The following SCN11A variants were observed in gnomAD, a reference collection of about 807,000 sequenced individuals.
SCN11A encodes sodium voltage-gated channel alpha subunit 11.
A neutral mutation model predicts 162.2 loss-of-function variants in SCN11A; 122 were observed. The ratio of observed to expected loss-of-function variants is 0.75; its 90% confidence interval spans 0.65 to 0.87. The LOEUF (loss-of-function observed/expected upper bound fraction) is 0.87, where lower values mean the gene tolerates loss of function less well. Among genes scored for constraint, SCN11A ranks in the 40% least tolerant of loss-of-function variants. SCN11A has a pLI of 0.00. For missense variants in SCN11A, 2,015 were observed against 2,181.6 expected, an observed-to-expected ratio of 0.92 and a Z score of 1.52; for synonymous variants, 758 against 751.5, an observed-to-expected ratio of 1.01 and a Z score of -0.14.
At chr3:38,881,832 C>T (rs1181735943) in intron 22 of SCN11A, among the ~76,000 whole-genome samples, 3 of 152,186 alleles carry the variant, frequency 2.0e-5, no homozygotes, top group South Asian at 2.1e-4. Flanking sequence ...GCCCAGCCTA[C>T]ACCTGCCTTT....
chr3:38,996,263 CA>C (rs2030629516), intron 2 of SCN11A, among the ~76,000 whole-genome samples: 1 of 152,258 alleles, frequency 6.6e-6, no homozygotes, highest in East Asian at 1.9e-4. Flanking sequence ...CACTGGTTCA[CA>C]GAGAAAATAC....
At chr3:38,945,259 T>A (rs1559548852) in intron 7 of SCN11A, 152 bp downstream of exon 7, 1 of 557,962 alleles carries the variant, frequency 1.8e-6, no homozygotes, top group African/African-American at 1.9e-5. Context: ...TTACAAATTG[T>A]AAAAAAATAA....
At chr3:39,046,445 G>A (rs557906450) in intron 1 of SCN11A, among the ~76,000 whole-genome samples, 2 of 152,206 alleles carry the variant, frequency 1.3e-5, no homozygotes, top group South Asian at 2.1e-4. Context: ...ACTACCCAAA[G>A]TGATCTACAG....
intron 2 of SCN11A, among the ~76,000 whole-genome samples, chr3:38,961,765 T>C (rs544543817): frequency 6.6e-6 from 1 of 152,348 alleles, no homozygotes; most frequent in East Asian, 1.9e-4. Flanking sequence ...GTTTGAGTTC[T>C]TTGTAGATTC....
Position 38,894,528 on chromosome 3 carries a change from C to T in SCN11A, c.2835+5G>A. ...ACCTTTAAGTCTATGTGTGAACCTT[C>T]ATACCTGTTGTTCAGGCTCAGGTTG... On this transcript the variant is annotated splice_donor_5th_base_variant and intron_variant, in intron 19 of 29. Transcript: ENST00000302328. 6.3e-7 allele frequency: 1 copy of T among 1,592,400 alleles called. No homozygotes were observed. Among genetic ancestry groups the T allele is most frequent in the South Asian group, 1.2e-5 (1 of 85,976 alleles).
At position 39,029,041 on chromosome 3, in the gene SCN11A, C is replaced by T. The variant is rs1345146323; in HGVS notation, c.-280+3339G>A. ...GGATGCATCTTTATGGATGTATCAA[C>T]AATTCATTTAATCTGTCATGGTCAT... On this transcript the variant is annotated intron_variant, in intron 2 of 29. Transcript: ENST00000302328. Among the ~76,000 whole-genome samples, 7 of 152,298 alleles carry T rather than the reference C, an allele frequency of 4.6e-5. No individual in the cohort carries two copies. In the East Asian group the frequency reaches 1.2e-3, roughly 25 times the overall value.
At chr3:38,871,735 C>A in intron 24 of SCN11A, 27 bp from the exon 25 acceptor site, 2 of 1,558,346 alleles carry the variant, frequency 1.3e-6, no homozygotes, top group South Asian at 1.3e-5. Context: ...CAAAGAAAAC[C>A]ATAACAGATG....
chr3:38,865,815 A>T (rs1315133381), intron 27 of SCN11A, among the ~76,000 whole-genome samples: 1 of 152,192 alleles, frequency 6.6e-6, no homozygotes, highest in Non-Finnish European at 1.5e-5. Flanking sequence ...AACCTGTGAA[A>T]AAGTGTGTAA....
chr3:39,031,805 T>C (rs1248034439), intron 2 of SCN11A, among the ~76,000 whole-genome samples: 2 of 152,342 alleles, frequency 1.3e-5, no homozygotes, highest in East Asian at 3.9e-4. Flanking sequence ...TCTTAGTTTC[T>C]CCGTGAATCT....
chr3:38,898,336 T>C (rs1327128615), intron 17 of SCN11A, among the ~76,000 whole-genome samples: 1 of 152,246 alleles, frequency 6.6e-6, no homozygotes, highest in African/African-American at 2.4e-5. Flanking sequence ...TATTGGAACA[T>C]AGCCATGCTC....
At chr3:38,963,314 A>G (rs1032692906) in intron 2 of SCN11A, among the ~76,000 whole-genome samples, 1 of 145,480 alleles carries the variant, frequency 6.9e-6, no homozygotes, top group African/African-American at 2.5e-5. Context: ...AATGCCCATC[A>G]ATCAATAAGT....
chr3:39,042,538 A>C (rs1051927547), intron 1 of SCN11A, among the ~76,000 whole-genome samples: 1 of 152,218 alleles, frequency 6.6e-6, no homozygotes, highest in African/African-American at 2.4e-5. Flanking sequence ...ATCAAGGTGA[A>C]GAGACAACAC....
intron 2 of SCN11A, among the ~76,000 whole-genome samples, chr3:39,004,870 A>G (rs4267596): frequency 0.7 from 106,310 of 152,022 alleles, 38,699 homozygotes; most frequent in African/African-American, 0.92. Flanking sequence ...GTAGCAGGAC[A>G]AGCTGCAGAC....
intron 2 of SCN11A, among the ~76,000 whole-genome samples, chr3:38,999,757 G>A (rs751914053): frequency 1.2e-3 from 178 of 152,186 alleles, no homozygotes; most frequent in Non-Finnish European, 1.8e-3. Flanking sequence ...GGTGTGAGTG[G>A]AGACTAGCTT....
rs151316226 is a variant in SCN11A at position 38,856,011 on chromosome 3, G to C, written c.4057-5260C>G. ...TCAGGAAGCCCCATCCCTAGGGAAG[G>C]GGGAGTGCACCACATCAGGGGATCA... On this transcript the variant is annotated intron_variant, in intron 28 of 29. Transcript: ENST00000302328. Among the ~76,000 whole-genome samples, 524 of 152,298 alleles carry C rather than the reference G, an allele frequency of 3.4e-3. 2 individuals carry two copies. Among genetic ancestry groups the C allele is most frequent in the African/African-American group, 0.01 (427 of 41,558 alleles).
rs2064678235 is a variant in SCN11A, at chr3:38,846,991, T to G, written c.5079A>C (p.Val1693=). The change falls in exon 30 of 30, where the codon GTA becomes GTC. Residue 1693 remains valine, a synonymous_variant. Coordinates refer to ENST00000302328, the MANE Select transcript of SCN11A (RefSeq NM_001349253.2). ...TATCTAGGCCATCAGAGCCACCGAG[T>G]ACCCTAGCGGTGAAGGCGAAAAGAA... ...MDILFAFTAR[V]LGGSDGLDSM... The G allele has an allele frequency of 6.2e-7, 1 of 1,614,124 alleles. No homozygotes were observed. The highest frequency in any genetic ancestry group is 1.7e-5 in the Admixed American group (1 of 60,014).
At chr3:38,904,618 C>G (rs1272031497) in intron 15 of SCN11A, among the ~76,000 whole-genome samples, 1 of 152,070 alleles carries the variant, frequency 6.6e-6, no homozygotes, top group Non-Finnish European at 1.5e-5. Flanking sequence ...GCAGGGCAAA[C>G]GAGATGATGC....
rs562075544 is a variant in SCN11A at position 38,948,891 on chromosome 3, G to A, written c.267+1205C>T. On this transcript the variant is annotated intron_variant, in intron 5 of 29. Transcript: ENST00000302328. ...TCACCTCCAACAACTATACCTCCAA[G>A]AAGGCCCTGGAATCCTGGGGCATCA... Among the ~76,000 whole-genome samples the A allele has an allele frequency of 6.6e-4, 101 of 152,246 alleles. No homozygotes were observed. In the Middle Eastern group the frequency reaches 0.014, roughly 21 times the overall value.
At chr3:38,934,083 G>T (rs1553642486) in intron 7 of SCN11A, among the ~76,000 whole-genome samples, 1 of 152,174 alleles carries the variant, frequency 6.6e-6, no homozygotes, top group Non-Finnish European at 1.5e-5. Flanking sequence ...CATTCTTAAA[G>T]AAAAGAATTT....
Sources: gnomAD v4.1 joint callset for allele counts (sites outside exome capture counted in the v4.1 genomes callset) on GRCh38, gnomAD v4.1.1 for gene constraint, MANE v1.5 for transcripts, NCBI Gene and HGNC (gene_info 2026-07-23, HGNC 2026-07-21) for gene names.